Variants in DRD2 observed in about 807,000 individuals in gnomAD.
DRD2 encodes D(2) dopamine receptor.
Under a neutral mutation model 38.0 loss-of-function variants are expected in DRD2, and 8 were observed. The ratio of observed to expected loss-of-function variants is 0.21; its 90% confidence interval spans 0.12 to 0.38. The LOEUF is 0.38. Ranked by LOEUF, DRD2 falls within the 10% of genes least tolerant of loss-of-function variation. The probability of loss-of-function intolerance (pLI) is 1.00; values close to 1 mark genes in which losing one functional copy is unlikely to be tolerated. For synonymous variants in DRD2, 230 were observed against 238.6 expected, an observed-to-expected ratio of 0.96 and a Z score of 0.33; for missense variants, 403 against 607.7, an observed-to-expected ratio of 0.66 and a Z score of 3.54.
intron 2 of DRD2, among the ~76,000 whole-genome samples, chr11:113,418,508 T>C (rs1950850437): frequency 6.6e-6 from 1 of 152,154 alleles, no homozygotes; most frequent in African/African-American, 2.4e-5. Context: ...ATTGACTATA[T>C]TTTTCTATCT....
intron 1 of DRD2, among the ~76,000 whole-genome samples, chr11:113,460,927 C>T (rs1951312814): frequency 6.6e-6 from 1 of 152,232 alleles, no homozygotes; most frequent in Admixed American, 6.5e-5. Context: ...TTGGAAATCC[C>T]CTGTACCTCC....
Position 113,410,069 on chromosome 11 carries a change from C to T in DRD2, c.*658G>A, listed in dbSNP as rs561772888. On this transcript the variant is annotated 3_prime_UTR_variant, in exon 8 of 8. Transcript: ENST00000362072. ...CCTGGGCCCTTCAAGATGAGGGCTC[C>T]TCTTCTCAGAGCATGTGGAAACCAC... The T allele has an allele frequency of 6.3e-6, 1 of 159,656 alleles. No homozygotes were observed. Among genetic ancestry groups the T allele is most frequent in the East Asian group, 1.8e-4 (1 of 5,430 alleles). The allele number at this position is 159,656 out of a possible 1,614,324, so 9.9% of individuals were successfully genotyped here. A position where few individuals can be genotyped will look rare whatever the true frequency, so the allele number is the denominator to read the frequency against.
intron 1 of DRD2, among the ~76,000 whole-genome samples, chr11:113,438,194 G>GTT (rs199503197): frequency 6.7e-6 from 1 of 149,508 alleles, no homozygotes; most frequent in Non-Finnish European, 1.5e-5. Flanking sequence ...TATTTTTATT[G>GTT]TTTTTTTTTT....
intron 1 of DRD2, among the ~76,000 whole-genome samples, chr11:113,464,248 G>A (rs1591303412): frequency 1.3e-5 from 2 of 152,128 alleles, no homozygotes; most frequent in South Asian, 4.1e-4. Context: ...TGTACTGCAT[G>A]GCGGCAGCAG....
chr11:113,423,487 G>C (rs1376173922), intron 2 of DRD2, among the ~76,000 whole-genome samples: 1 of 152,140 alleles, frequency 6.6e-6, no homozygotes, highest in Non-Finnish European at 1.5e-5. Context: ...TGTTGGCCAG[G>C]CTGGTCTTGA....
chr11:113,422,896 TCCCTCTCAGGCAGGGATGGCCTCAGAG>T (rs1013939229), intron 2 of DRD2, among the ~76,000 whole-genome samples: 24 of 152,212 alleles, frequency 1.6e-4, no homozygotes, highest in African/African-American at 5.8e-4. Flanking sequence ...AACAACCCCT[TCCCTCTCAGGCAGGGATGGCCTCAGAG>T]GCACTGGTCA....
intron 1 of DRD2, among the ~76,000 whole-genome samples, chr11:113,451,180 A>G (rs1951206765): frequency 6.6e-6 from 1 of 152,216 alleles, no homozygotes; most frequent in Non-Finnish European, 1.5e-5. Context: ...TTAAGCTGTT[A>G]AGAATATGTA....
chr11:113,415,465 G>T lies in DRD2; in HGVS notation c.679C>A (p.Arg227Ser), dbSNP rs201881891. ...TGGGCCCTGAAAGCTCGGCTGCTGC[G>T]TTTGGTGTTGACTCGCTTGCGGCGT... ...RRRRKRVNTK[R>S]SSRAFRAHLR... The change falls in exon 5 of 8, where the codon CGC becomes AGC. Residue 227 changes from arginine (R) to serine (S), a missense_variant. Physicochemically the swap from Arg to Ser is moderately radical, Grantham distance 110. Around this residue, in one of 4 missense-constraint regions of DRD2, gnomAD observed 166 missense variants for 178.6 expected, o/e 0.93. Coordinates refer to ENST00000362072, the MANE Select transcript of DRD2 (RefSeq NM_000795.4). The T allele has an allele frequency of 6.2e-7, 1 of 1,614,138 alleles. No individual in the cohort carries two copies. Among genetic ancestry groups the T allele is most frequent in the African/African-American group, 1.3e-5 (1 of 75,050 alleles).
At chr11:113,452,469 TGCGCGCGC>T (rs150781651) in intron 1 of DRD2, among the ~76,000 whole-genome samples, 27,021 of 118,310 alleles carry the variant, frequency 0.23, 3,148 homozygotes, top group Non-Finnish European at 0.29. Context: ...TGTGTGTGTG[TGCGCGCGC>T]GCGCGCGCGC....
In DRD2 at chr11:113,424,276, T is replaced by A. The variant is rs12808482; in HGVS notation, c.285+91A>T. On this transcript the variant is annotated intron_variant, in intron 2 of 7. Transcript: ENST00000362072. ...ACCTGGGGAAGCACCAGGAAACTCA[T>A]TGGTAAAAGCCAGTGGGGAGCTAGA... The A allele has an allele frequency of 0.54, 779,134 of 1,430,594 alleles. 226,052 individuals carry two copies. The highest frequency in any genetic ancestry group is 0.61 in the Non-Finnish European group (630,529 of 1,038,612). 88.6% of individuals were successfully genotyped at this position (1,430,594 alleles called of 1,614,324 possible).
chr11:113,462,830 A>AT (rs899226756), intron 1 of DRD2, among the ~76,000 whole-genome samples: 34 of 152,202 alleles, frequency 2.2e-4, no homozygotes, highest in Non-Finnish European at 4.1e-4. Flanking sequence ...TCCTTCATCT[A>AT]TGCAACAAGT....
Position 113,424,391 on chromosome 11 carries a change from G to T in DRD2, c.261C>A (p.Val87=). The part of the protein sequence containing the change: ...AVADLLVATL[V]MPWVVYLEVV... The stretch of plus-strand genomic sequence containing the variant: ...CCTCCAGGTAGACAACCCAGGGCAT[G>T]ACCAGTGTGGCGACGAGGAGGTCGG... Residue 87 remains valine (V), a synonymous_variant, in exon 2 of 8, where the codon GTC becomes GTA. Transcript: ENST00000362072. 6.2e-7 allele frequency: 1 copy of T among 1,614,206 alleles called. No homozygotes were observed. The highest frequency in any genetic ancestry group is 1.1e-5 in the South Asian group (1 of 91,068).
chr11:113,467,764 A>T (rs1951384216), intron 1 of DRD2, among the ~76,000 whole-genome samples: 1 of 152,226 alleles, frequency 6.6e-6, no homozygotes, highest in African/African-American at 2.4e-5. Context: ...GCCTCTTCCT[A>T]GCTCATGTGG....
At chr11:113,464,761 C>T (rs1248624471) in intron 1 of DRD2, among the ~76,000 whole-genome samples, 3 of 152,242 alleles carry the variant, frequency 2.0e-5, no homozygotes, top group Non-Finnish European at 4.4e-5. Context: ...ATTTCATCAA[C>T]ACCATCAGTC....
intron 1 of DRD2, among the ~76,000 whole-genome samples, chr11:113,428,317 C>T (rs1455481411): frequency 2.0e-5 from 3 of 152,226 alleles, no homozygotes; most frequent in Non-Finnish European, 4.4e-5. Context: ...GGGCACCCTG[C>T]CAGTTGCCTA....
chr11:113,444,561 C>T (rs993940540), intron 1 of DRD2, among the ~76,000 whole-genome samples: 3 of 152,168 alleles, frequency 2.0e-5, no homozygotes, highest in Non-Finnish European at 2.9e-5. Context: ...CAGTCTCTAA[C>T]GGGGCTGTAT....
intron 1 of DRD2, among the ~76,000 whole-genome samples, chr11:113,446,658 T>C (rs1213084373): frequency 1.3e-5 from 2 of 152,194 alleles, no homozygotes; most frequent in African/African-American, 4.8e-5. Context: ...AGATGGGATA[T>C]TTGGAAATAG....
chr11:113,440,908 T>C (rs1951084416), intron 1 of DRD2, among the ~76,000 whole-genome samples: 1 of 152,238 alleles, frequency 6.6e-6, no homozygotes, highest in Admixed American at 6.5e-5. Flanking sequence ...GAGCCTGTCA[T>C]GGCAAACAAC....
intron 1 of DRD2, among the ~76,000 whole-genome samples, chr11:113,459,481 T>C (rs1344168319): frequency 3.9e-5 from 6 of 152,162 alleles, no homozygotes; most frequent in Admixed American, 3.3e-4. Flanking sequence ...GCCAGTTAGA[T>C]GACAGAACTG....
Sources: allele counts gnomAD v4.1 joint callset (sites outside exome capture counted in the v4.1 genomes callset), GRCh38; gene constraint gnomAD v4.1.1; regional missense constraint gnomAD v4.1.1; transcripts MANE v1.5; gene names NCBI Gene and HGNC (gene_info 2026-07-23, HGNC 2026-07-21).